TAFA5: variants seen among roughly 807,000 people sequenced by gnomAD.
The protein encoded by TAFA5 is chemokine-like protein TAFA-5.
A neutral mutation model predicts 15.3 loss-of-function variants in TAFA5; 6 were observed. That is an observed-to-expected ratio of 0.39 (90% CI 0.21 to 0.77). TAFA5 has a LOEUF of 0.77. TAFA5 is among the 30% of genes least tolerant of loss of function. TAFA5 has a pLI of 0.41. For synonymous variants in TAFA5, 103 were observed against 80.7 expected (o/e 1.28, Z -1.48); for missense variants, 161 against 193.1 (o/e 0.83, Z 0.98).
rs558062009 is a variant in TAFA5 at position 48,576,445 on chromosome 22, C to G, written c.113-70152C>G. The G allele has an allele frequency of 7.3e-6, 10 of 1,363,084 alleles. No individual in the cohort carries two copies. The South Asian group carries it at 9.1e-5, about 12-fold the overall frequency. The allele number at this position is 1,363,084 out of a possible 1,614,324, so 84.4% of individuals were successfully genotyped here. A position where few individuals can be genotyped will look rare whatever the true frequency, so the allele number is the denominator to read the frequency against. On this transcript the variant is annotated intron_variant, in intron 1 of 3. Transcript: ENST00000402357. ...ATGCGGCGCCTGGACCTTCGCTGCG[C>G]GACTTCGGGGGCGTCGGCCGAGTTG...
chr22:48,662,521 A>G (rs1927479425), intron 2 of TAFA5, among the ~76,000 whole-genome samples: 1 of 152,070 alleles, frequency 6.6e-6, no homozygotes, highest in African/African-American at 2.4e-5. Context: ...GGGCTCCAGT[A>G]GAGGTGTGAG....
chr22:48,645,634 G>A (rs1926834334), intron 1 of TAFA5, among the ~76,000 whole-genome samples: 2 of 152,096 alleles, frequency 1.3e-5, no homozygotes, highest in Non-Finnish European at 2.9e-5. Flanking sequence ...TGTAATGTGG[G>A]GAGCAGAGGT....
chr22:48,681,599 C>G (rs1465545557), intron 2 of TAFA5, among the ~76,000 whole-genome samples: 1 of 148,204 alleles, frequency 6.7e-6, no homozygotes, highest in Non-Finnish European at 1.5e-5. Flanking sequence ...TGCAGTGAGC[C>G]GAGATTGTGC....
In TAFA5 at chr22:48,656,171, G is replaced by GCTCTCTAGAGTCTGCTAGAA. The variant is rs1246840767; in HGVS notation, c.262+9427_262+9446dup. Reference sequence around the variant, plus strand: ...CTGATTCTTTTTCAGGGTGTTGCTTGCTCTCTAGAGTCTGCTAGAACCACC... The same window carrying GCTCTCTAGAGTCTGCTAGAA: ...CTGATTCTTTTTCAGGGTGTTGCTTGCTCTCTAGAGTCTGCTAGAACTCTCTAGAGTCTGCTAGAACCACC... On this transcript the variant is annotated intron_variant, in intron 2 of 3. Transcript: ENST00000402357. Among the ~76,000 whole-genome samples, 3 of 152,042 alleles carry GCTCTCTAGAGTCTGCTAGAA rather than the reference G, an allele frequency of 2.0e-5. No homozygotes were observed. In the East Asian group the frequency reaches 5.8e-4, roughly 29 times the overall value.
At chr22:48,592,760 C>T (rs931570843) in intron 1 of TAFA5, among the ~76,000 whole-genome samples, 41 of 152,174 alleles carry the variant, frequency 2.7e-4, no homozygotes, top group Admixed American at 6.5e-5. Context: ...GCAAGGAAGC[C>T]CTGTGCTCCC....
intron 2 of TAFA5, among the ~76,000 whole-genome samples, chr22:48,687,536 C>T (rs1928402283): frequency 6.6e-6 from 1 of 152,100 alleles, no homozygotes; most frequent in African/African-American, 2.4e-5. Context: ...TTGATGGATC[C>T]AGGTCCTAGT....
At chr22:48,612,533 C>T (rs1925447335) in intron 1 of TAFA5, among the ~76,000 whole-genome samples, 1 of 152,072 alleles carries the variant, frequency 6.6e-6, no homozygotes, top group South Asian at 2.1e-4. Flanking sequence ...CCAGCCCTCC[C>T]ATCCAGTGGG....
intron 3 of TAFA5, among the ~76,000 whole-genome samples, chr22:48,709,162 C>T (rs1359320923): frequency 2.6e-5 from 4 of 152,152 alleles, no homozygotes; most frequent in Non-Finnish European, 5.9e-5. Context: ...CAGGTGTGGG[C>T]CTGCAGGAGG....
intron 3 of TAFA5, among the ~76,000 whole-genome samples, chr22:48,749,238 C>T (rs1023071837): frequency 1.1e-4 from 16 of 152,192 alleles, no homozygotes; most frequent in African/African-American, 3.6e-4. Flanking sequence ...GCCCTGTCCA[C>T]ACCTTGAGTC....
chr22:48,641,591 A>C (rs906015084), intron 1 of TAFA5, among the ~76,000 whole-genome samples: 86 of 14,140 alleles, frequency 6.1e-3, no homozygotes, highest in South Asian at 0.013. Context: ...CCTCCCCTCC[A>C]CCCCACACGC....
At chr22:48,596,842 T>C (rs1924782512) in intron 1 of TAFA5, among the ~76,000 whole-genome samples, 1 of 152,144 alleles carries the variant, frequency 6.6e-6, no homozygotes, top group African/African-American at 2.4e-5. Flanking sequence ...AGGGTCTCCT[T>C]CTGTCACCCA....
intron 1 of TAFA5, among the ~76,000 whole-genome samples, chr22:48,513,161 A>G (rs1288743239): frequency 6.6e-6 from 1 of 152,054 alleles, no homozygotes; most frequent in Non-Finnish European, 1.5e-5. Flanking sequence ...ACCCTCGGTA[A>G]CCCTAAAGTT....
At chr22:48,717,306 G>A (rs933703118) in intron 3 of TAFA5, among the ~76,000 whole-genome samples, 4 of 152,192 alleles carry the variant, frequency 2.6e-5, no homozygotes, top group African/African-American at 9.7e-5. Context: ...CTGCTGGAAC[G>A]GGCCGTCAAG....
chr22:48,674,714 G>A (rs1489723252), intron 2 of TAFA5, among the ~76,000 whole-genome samples: 2 of 152,174 alleles, frequency 1.3e-5, no homozygotes, highest in East Asian at 1.9e-4. Context: ...GGGAGACGCC[G>A]TGGGGAGGGG....
At chr22:48,694,993 A>G (rs1440090458) in intron 2 of TAFA5, among the ~76,000 whole-genome samples, 1 of 151,768 alleles carries the variant, frequency 6.6e-6, no homozygotes, top group Non-Finnish European at 1.5e-5. Flanking sequence ...CGTGCCCTGC[A>G]GAGATGGTTT....
intron 3 of TAFA5, among the ~76,000 whole-genome samples, chr22:48,708,861 C>T (rs1219717383): frequency 1.3e-5 from 2 of 152,232 alleles, no homozygotes; most frequent in African/African-American, 4.8e-5. Context: ...AATCCTTCCC[C>T]TTGCTGCCTG....
intron 3 of TAFA5, among the ~76,000 whole-genome samples, chr22:48,719,570 A>G (rs1929506325): frequency 7.1e-6 from 1 of 140,722 alleles, no homozygotes; most frequent in Non-Finnish European, 1.6e-5. Context: ...AGGTGGCCTC[A>G]GGACTGCCCC....
At chr22:48,594,648 A>C (rs1328793345) in intron 1 of TAFA5, among the ~76,000 whole-genome samples, 1 of 152,198 alleles carries the variant, frequency 6.6e-6, no homozygotes, top group Non-Finnish European at 1.5e-5. Flanking sequence ...GAGCCTCTGC[A>C]CAGCCCTCAT....
At chr22:48,632,374 T>G (rs1418985873) in intron 1 of TAFA5, among the ~76,000 whole-genome samples, 1 of 152,064 alleles carries the variant, frequency 6.6e-6, no homozygotes, top group Non-Finnish European at 1.5e-5. Context: ...AGGGCAGTCT[T>G]ATAGAGTAAG....
Sources: gnomAD v4.1 joint callset for allele counts (sites outside exome capture counted in the v4.1 genomes callset) on GRCh38, gnomAD v4.1.1 for gene constraint, MANE v1.5 for transcripts, NCBI Gene and HGNC (gene_info 2026-07-23, HGNC 2026-07-21) for gene names.